The following FHOD3 variants were observed in gnomAD, a reference collection of about 807,000 sequenced individuals.
FHOD3 encodes FH1/FH2 domain-containing protein 3.
FHOD3 carries 90 observed loss-of-function variants against 173.0 expected under a neutral mutation model. The ratio of observed to expected loss-of-function variants is 0.52; its 90% CI spans 0.44 to 0.62. The LOEUF is 0.62. Ranked by LOEUF, FHOD3 falls within the 20% of genes least tolerant of loss-of-function variation. FHOD3 has a pLI of 0.00. For synonymous variants in FHOD3, 828 were observed against 823.0 expected (o/e 1.01, Z -0.10); for missense variants, 1,945 against 2,034.7 (o/e 0.96, Z 0.85).
chr18:36,424,445 T>C (rs1244029953), intron 3 of FHOD3, among the ~76,000 whole-genome samples: 2 of 152,198 alleles, frequency 1.3e-5, no homozygotes. Context: ...TGTTCATGTT[T>C]ATTGTCTTGT....
intron 3 of FHOD3, among the ~76,000 whole-genome samples, chr18:36,497,947 T>C (rs941775121): frequency 6.6e-6 from 1 of 152,188 alleles, no homozygotes; most frequent in Non-Finnish European, 1.5e-5. Flanking sequence ...ATAAGCCATA[T>C]TCCGGGCCAT....
chr18:36,474,588 C>T (rs769890189), intron 3 of FHOD3, among the ~76,000 whole-genome samples: 8 of 151,896 alleles, frequency 5.3e-5, no homozygotes, highest in South Asian at 2.1e-4. Flanking sequence ...TCAGGAGGGC[C>T]GAAACTGGAA....
chr18:36,647,062 C>T (rs2035736938), intron 10 of FHOD3, among the ~76,000 whole-genome samples: 1 of 152,106 alleles, frequency 6.6e-6, no homozygotes, highest in South Asian at 2.1e-4. Flanking sequence ...CATGATGAAA[C>T]CCCGTCTCTA....
chr18:36,711,890 C>A (rs899310177), intron 18 of FHOD3, among the ~76,000 whole-genome samples: 1 of 152,130 alleles, frequency 6.6e-6, no homozygotes, highest in African/African-American at 2.4e-5. Flanking sequence ...AAAACCTGAC[C>A]CAGAGTCAAT....
intron 4 of FHOD3, among the ~76,000 whole-genome samples, chr18:36,505,306 G>A (rs908943622): frequency 5.9e-5 from 9 of 152,246 alleles, no homozygotes; most frequent in African/African-American, 4.8e-5. Flanking sequence ...GGGCAGTGGC[G>A]TAAGTGTGAA....
chr18:36,372,839 C>A, intron 3 of FHOD3, 95 bp downstream of exon 3: 1 of 1,038,732 alleles, frequency 9.6e-7, no homozygotes, highest in Non-Finnish European at 1.4e-6. Context: ...TCTGTTTGCA[C>A]TAGCCCCTAT....
chr18:36,659,966 G>A (rs1020902292), intron 14 of FHOD3, among the ~76,000 whole-genome samples: 1 of 152,144 alleles, frequency 6.6e-6, no homozygotes, highest in African/African-American at 2.4e-5. Flanking sequence ...GTTAAACCAG[G>A]AATGGTAGAA....
At chr18:36,558,262 C>T (rs1049068944) in intron 5 of FHOD3, among the ~76,000 whole-genome samples, 2 of 152,136 alleles carry the variant, frequency 1.3e-5, no homozygotes, top group African/African-American at 4.8e-5. Flanking sequence ...CAGGGTTCCC[C>T]TTCCCTGTGT....
intron 1 of FHOD3, among the ~76,000 whole-genome samples, chr18:36,301,832 C>CT (rs1262547634): frequency 1.3e-5 from 2 of 152,146 alleles, no homozygotes; most frequent in African/African-American, 2.4e-5. Flanking sequence ...ACACTGGTGA[C>CT]TTTTTTAGTG....
At chr18:36,315,937 C>T (rs955510918) in intron 1 of FHOD3, among the ~76,000 whole-genome samples, 4 of 152,046 alleles carry the variant, frequency 2.6e-5, no homozygotes, top group African/African-American at 7.2e-5. Flanking sequence ...GCTCTCTGCC[C>T]GCTGCTGCCA....
At chr18:36,752,453 G>C (rs770596699) in intron 24 of FHOD3, among the ~76,000 whole-genome samples, 94 of 152,166 alleles carry the variant, frequency 6.2e-4, no homozygotes, top group Non-Finnish European at 1.3e-3. Context: ...AAAGATGTTT[G>C]ACTTGTGCTT....
intron 23 of FHOD3, 79 bp downstream of exon 23, chr18:36,744,272 G>T: frequency 6.8e-7 from 1 of 1,477,946 alleles, no homozygotes. Flanking sequence ...CGAGGAACAC[G>T]AGCCCTATTA....
chr18:36,396,908 T>C (rs1175353561), intron 3 of FHOD3, among the ~76,000 whole-genome samples: 1 of 152,216 alleles, frequency 6.6e-6, no homozygotes, highest in Non-Finnish European at 1.5e-5. Flanking sequence ...CATCTATTGT[T>C]TTAGCATAGG....
At chr18:36,376,140 A>G (rs1335911424) in intron 3 of FHOD3, among the ~76,000 whole-genome samples, 3 of 152,212 alleles carry the variant, frequency 2.0e-5, no homozygotes, top group Non-Finnish European at 4.4e-5. Flanking sequence ...ACTGGCTCTG[A>G]TAACTAAATC....
chr18:36,545,917 T>C (rs2147205239), intron 5 of FHOD3, among the ~76,000 whole-genome samples: 1 of 152,356 alleles, frequency 6.6e-6, no homozygotes. Flanking sequence ...CTATCAGAAA[T>C]GCAGCTAACA....
At chr18:36,364,176 T>C (rs1285778079) in intron 2 of FHOD3, among the ~76,000 whole-genome samples, 2 of 152,162 alleles carry the variant, frequency 1.3e-5, no homozygotes, top group African/African-American at 4.8e-5. Context: ...GATGCAGTCT[T>C]CTCTGTTGCA....
chr18:36,444,034 A>T (rs2143918591), intron 3 of FHOD3, among the ~76,000 whole-genome samples: 1 of 152,216 alleles, frequency 6.6e-6, no homozygotes, highest in Non-Finnish European at 1.5e-5. Context: ...TCTACTAAAA[A>T]TACAAAAAAT....
In FHOD3 at chr18:36,648,053, T is replaced by C. The variant is rs111245291; in HGVS notation, c.1197-1263T>C. 5.9e-3 allele frequency among the ~76,000 whole-genome samples: 896 copies of C among 152,280 alleles called. 10 individuals are homozygous for C. Among genetic ancestry groups the C allele is most frequent in the Middle Eastern group, 0.048 (14 of 294 alleles). On this transcript the variant is annotated intron_variant, in intron 10 of 28. Transcript: ENST00000590592. The stretch of plus-strand genomic sequence containing the variant: ...GGGATGACAGAGTTAAAGATCCTGG[T>C]AGATGATGCCTGGAGTGAGACATGG...
At chr18:36,379,977 T>A (rs2047654563) in intron 3 of FHOD3, among the ~76,000 whole-genome samples, 1 of 152,172 alleles carries the variant, frequency 6.6e-6, no homozygotes, top group South Asian at 2.1e-4. Context: ...CTGAAGAAAG[T>A]TCTTTGAGGA....
Sources: allele counts gnomAD v4.1 joint callset (sites outside exome capture counted in the v4.1 genomes callset), GRCh38; gene constraint gnomAD v4.1.1; transcripts MANE v1.5; gene names NCBI Gene and HGNC (gene_info 2026-07-23, HGNC 2026-07-21).